ITGAD: variants seen among roughly 807,000 people sequenced by gnomAD.
ITGAD encodes integrin subunit alpha D.
ITGAD carries 105 observed loss-of-function variants against 139.0 expected under a neutral mutation model. The observed-to-expected ratio is 0.76, with a 90% confidence interval of 0.65 to 0.89. The LOEUF is 0.89. Among genes scored for constraint, ITGAD ranks in the 40% least tolerant of loss-of-function variants. The probability of loss-of-function intolerance (pLI) is 0.00; values close to 1 mark genes in which losing one functional copy is unlikely to be tolerated. For synonymous variants in ITGAD, 569 were observed against 598.3 expected (o/e 0.95, Z 0.71); for missense variants, 1,384 against 1,487.3 (o/e 0.93, Z 1.14).
intron 8 of ITGAD, 47 bp from the exon 9 acceptor site, chr16:31,407,719 G>A: frequency 6.2e-7 from 1 of 1,613,250 alleles, no homozygotes; most frequent in Non-Finnish European, 8.5e-7. Flanking sequence ...TCTCCTTCAG[G>A]TGCAGTGCTG....
intron 5 of ITGAD, among the ~76,000 whole-genome samples, chr16:31,398,286 A>T (rs1466294815): frequency 6.9e-6 from 1 of 144,572 alleles, no homozygotes; most frequent in African/African-American, 2.6e-5. Context: ...AAATAGCAGG[A>T]TGTGGTGGTG....
chr16:31,413,349 A>G, intron 16 of ITGAD, 103 bp downstream of exon 16: 1 of 1,228,472 alleles, frequency 8.1e-7, no homozygotes, highest in Non-Finnish European at 1.1e-6. Context: ...TTACCTCCAC[A>G]TTCACTCACC....
intron 23 of ITGAD, among the ~76,000 whole-genome samples, chr16:31,422,672 G>A (rs2082030560): frequency 6.6e-6 from 1 of 152,042 alleles, no homozygotes; most frequent in African/African-American, 2.4e-5. Flanking sequence ...GTCTTTAAGT[G>A]TAAATTTCCA....
intron 10 of ITGAD, 48 bp from the exon 11 acceptor site, chr16:31,410,347 G>C: frequency 6.2e-7 from 1 of 1,612,600 alleles, no homozygotes; most frequent in Non-Finnish European, 8.5e-7. Flanking sequence ...GGGATATGCT[G>C]TCTTCCCGCT....
At chr16:31,417,938 A>T in intron 20 of ITGAD, 137 bp from the exon 21 acceptor site, 3 of 632,754 alleles carry the variant, frequency 4.7e-6, no homozygotes, top group Non-Finnish European at 5.2e-6. Flanking sequence ...CAAGAGTGAA[A>T]TCCGTCTCAA....
At chr16:31,416,368 C>A in intron 19 of ITGAD, 82 bp downstream of exon 19, 1 of 1,495,240 alleles carries the variant, frequency 6.7e-7, no homozygotes, top group Non-Finnish European at 9.2e-7. Context: ...TGCTCTCTGG[C>A]TCTTTCTAAC....
At chr16:31,415,479 G>A (rs962214350) in intron 18 of ITGAD, among the ~76,000 whole-genome samples, 1 of 152,066 alleles carries the variant, frequency 6.6e-6, no homozygotes, top group African/African-American at 2.4e-5. Context: ...TCATAAATGC[G>A]CCAGCCTCGC....
At chr16:31,411,562 G>C (rs762286998) in intron 14 of ITGAD, 45 bp downstream of exon 14, 1 of 1,590,798 alleles carries the variant, frequency 6.3e-7, no homozygotes, top group Non-Finnish European at 8.6e-7. Context: ...TCCTTCCCAT[G>C]TCCTGAGTTC....
chr16:31,399,883 T>G (rs1447751781), intron 5 of ITGAD, among the ~76,000 whole-genome samples: 4 of 151,886 alleles, frequency 2.6e-5, no homozygotes, highest in Admixed American at 1.3e-4. Context: ...CCATTCTCAT[T>G]TTACAGATAT....
At chr16:31,394,392 G>A in intron 2 of ITGAD, 51 bp downstream of exon 2, 1 of 1,417,004 alleles carries the variant, frequency 7.1e-7, no homozygotes. Context: ...CAAGTCCTGT[G>A]GATGGGTACA....
intron 9 of ITGAD, among the ~76,000 whole-genome samples, chr16:31,408,130 C>T (rs1222582033): frequency 1.3e-5 from 2 of 152,108 alleles, no homozygotes; most frequent in African/African-American, 2.4e-5. Flanking sequence ...CACCACCATG[C>T]CCAGCTAATT....
At chr16:31,418,427 C>T in intron 22 of ITGAD, 47 bp downstream of exon 22, 8 of 1,606,356 alleles carry the variant, frequency 5.0e-6, no homozygotes, top group Non-Finnish European at 6.8e-6. Flanking sequence ...CATGCCCCGG[C>T]TAGAGACCCC....
intron 14 of ITGAD, 117 bp from the exon 15 acceptor site, chr16:31,412,721 C>A: frequency 7.6e-7 from 1 of 1,310,490 alleles, no homozygotes; most frequent in South Asian, 1.3e-5. Context: ...GACATCTGTT[C>A]ACAGCTCACC....
rs987847887 is a variant in ITGAD, at chr16:31,407,787, C to A, written c.880C>A (p.Pro294Thr). The change falls in exon 9 of 30, where the codon CCC becomes ACC. Residue 294 changes from proline (P) to threonine (T), a missense_variant. Pro to Thr is a conservative substitution (Grantham distance 38). Coordinates refer to ENST00000389202, the MANE Select transcript of ITGAD (RefSeq NM_005353.3). ...GCAGGTGGGACACGCTTTCCAGGGA[C>A]CCACTGCCAGGCAGGAGCTGAATAC... The part of the protein sequence containing the change: ...AIGVGHAFQG[P>T]TARQELNTIS... 2 of 1,613,970 alleles carry A rather than the reference C, an allele frequency of 1.2e-6. No homozygotes were observed. The highest frequency in any genetic ancestry group is 3.3e-5 in the Admixed American group (2 of 60,022).
At chr16:31,394,461 C>A in intron 2 of ITGAD, 120 bp downstream of exon 2, 1 of 624,906 alleles carries the variant, frequency 1.6e-6, no homozygotes, top group Non-Finnish European at 2.8e-6. Context: ...GAAGTCTTCC[C>A]TTGGCTCCTT....
Position 31,394,328 on chromosome 16 carries a change from T to G in ITGAD, c.124T>G (p.Phe42Val). The G allele has an allele frequency of 6.2e-7, 1 of 1,612,816 alleles. No homozygotes were observed. The highest frequency in any genetic ancestry group is 8.5e-7 in the Non-Finnish European group (1 of 1,179,222). Residue 42 changes from phenylalanine to valine, a missense_variant, in exon 2 of 30, where the codon TTC becomes GTC. By Grantham distance (50) the Phe-to-Val change is conservative. Coordinates refer to ENST00000389202, the MANE Select transcript of ITGAD (RefSeq NM_005353.3). ...AGGFGQSVVQFGGSRLVVGAP... is the reference protein window; with the variant it reads ...AGGFGQSVVQVGGSRLVVGAP... ...CGGCTTTGGGCAGAGCGTGGTGCAG[T>G]TCGGTGGATCTCGGTAGGCCCCACT...
At chr16:31,424,434 A>C (rs368870233) in intron 28 of ITGAD, 33 bp from the exon 29 acceptor site, 538 of 1,559,446 alleles carry the variant, frequency 3.4e-4, no homozygotes, top group Non-Finnish European at 4.4e-4. Context: ...CTGGGATGGC[A>C]TGAGGCCGGA....
Position 31,414,957 on chromosome 16 carries a change from T to C in ITGAD, c.2249T>C (p.Leu750Pro). Residue 750 changes from leucine to proline, a missense_variant, in exon 18 of 30, where the codon CTG becomes CCG. By Grantham distance (98) the Leu-to-Pro change is moderately conservative. Coordinates refer to ENST00000389202, the MANE Select transcript of ITGAD (RefSeq NM_005353.3). ...IPSPQNLRPV[L>P]AVGSQDLFTA... is the part of the protein sequence containing the mutation. ...TCCCCCCAGAACCTGCGTCCTGTGC[T>C]GGCCGTGGGCTCACAAGACCTCTTC... The C allele has an allele frequency of 6.2e-7, 1 of 1,614,156 alleles. No homozygotes were observed. Among genetic ancestry groups the C allele is most frequent in the African/African-American group, 1.3e-5 (1 of 75,048 alleles).
Position 31,408,490 on chromosome 16 carries a change from C to T in ITGAD, c.1075C>T (p.Leu359Phe), listed in dbSNP as rs752524967. The T allele has an allele frequency of 4.1e-5, 66 of 1,613,698 alleles. No homozygotes were observed. Among genetic ancestry groups the T allele is most frequent in the Middle Eastern group, 1.6e-4 (1 of 6,084 alleles). The change falls in exon 10 of 30, where the codon CTC (leucine) becomes TTC (phenylalanine). Residue 359 changes from leucine to phenylalanine, a missense_variant. Physicochemically the swap from Leu to Phe is conservative, Grantham distance 22. Transcript: ENST00000389202. ...GTCCCAAGAAGGCTTCAGCACAGCC[C>T]TCACAATGGTGGGTAGAGCCTGCCC... The part of the protein sequence containing the change: ...EMSQEGFSTA[L>F]TMDGLFLGAV...
Sources: allele counts gnomAD v4.1 joint callset (sites outside exome capture counted in the v4.1 genomes callset), GRCh38; gene constraint gnomAD v4.1.1; transcripts MANE v1.5; gene names NCBI Gene and HGNC (gene_info 2026-07-23, HGNC 2026-07-21).